The following P3H2 variants were observed in gnomAD, a reference collection of about 807,000 sequenced individuals.
The protein encoded by P3H2 is leprecan-like 1.
In P3H2, 80 loss-of-function variants were observed where a neutral mutation model predicts 87.0. That is an observed-to-expected ratio of 0.92 (90% CI 0.77 to 1.11). The LOEUF is 1.11. P3H2 is among the 50% of genes least tolerant of loss of function. The probability of loss-of-function intolerance (pLI) is 0.00; values close to 1 mark genes in which losing one functional copy is unlikely to be tolerated. For missense variants in P3H2, 1,001 were observed against 923.9 expected (o/e 1.08, Z -1.08); for synonymous variants, 367 against 359.3 (o/e 1.02, Z -0.24).
chr3:190,055,049 C>G (rs1054537077), intron 1 of P3H2, among the ~76,000 whole-genome samples: 1 of 152,170 alleles, frequency 6.6e-6, no homozygotes. Flanking sequence ...GGATGCACAT[C>G]TTTCTTGTTC....
chr3:189,982,988 G>T, intron 8 of P3H2, 58 bp downstream of exon 8: 1 of 1,302,668 alleles, frequency 7.7e-7, no homozygotes, highest in Non-Finnish European at 1.1e-6. Flanking sequence ...AAAAGAACTG[G>T]TCAAGCCCCA....
chr3:190,084,890 G>A (rs1453527559), intron 1 of P3H2, among the ~76,000 whole-genome samples: 1 of 151,686 alleles, frequency 6.6e-6, no homozygotes, highest in Admixed American at 6.6e-5. Context: ...ATAGTTCATA[G>A]CTCTGTACCT....
At chr3:190,047,899 T>C (rs1387578878) in intron 1 of P3H2, among the ~76,000 whole-genome samples, 1 of 152,234 alleles carries the variant, frequency 6.6e-6, no homozygotes, top group African/African-American at 2.4e-5. Context: ...CAATAATTTA[T>C]AATCTATTGC....
At chr3:190,008,134 G>C (rs1351290829) in intron 1 of P3H2, among the ~76,000 whole-genome samples, 1 of 151,844 alleles carries the variant, frequency 6.6e-6, no homozygotes, top group Non-Finnish European at 1.5e-5. Context: ...GATAAGTATA[G>C]AGTGAAAAGT....
chr3:190,059,410 A>T (rs1326945063), intron 1 of P3H2, among the ~76,000 whole-genome samples: 2 of 152,098 alleles, frequency 1.3e-5, no homozygotes, highest in Admixed American at 6.6e-5. Flanking sequence ...TTGTCATACA[A>T]CACTGGAGGA....
At chr3:190,005,666 T>A (rs914781381) in intron 1 of P3H2, among the ~76,000 whole-genome samples, 2 of 152,238 alleles carry the variant, frequency 1.3e-5, no homozygotes, top group African/African-American at 4.8e-5. Flanking sequence ...CTGTGAAATA[T>A]AAACTCTTGC....
At chr3:190,036,030 G>T (rs1725413562) in intron 1 of P3H2, among the ~76,000 whole-genome samples, 1 of 152,094 alleles carries the variant, frequency 6.6e-6, no homozygotes, top group Non-Finnish European at 1.5e-5. Flanking sequence ...TTATTCAATT[G>T]CAAGAATTGT....
chr3:189,956,919 G>A lies in P3H2; in HGVS notation c.*993C>T. ...CCCCACTCCTAGGCAACCTGGCCAT[G>A]GTGCCCGGATGCAGGCAGTATTCAA... is the stretch of plus-strand genomic sequence containing the variant. On this transcript the variant is annotated 3_prime_UTR_variant, in exon 15 of 15. Coordinates refer to ENST00000319332, the MANE Select transcript of P3H2 (RefSeq NM_018192.4). 1 of 393,660 alleles carries A rather than the reference G, an allele frequency of 2.5e-6. No individual in the cohort carries two copies. Among genetic ancestry groups the A allele is most frequent in the Non-Finnish European group, 4.5e-6 (1 of 223,600 alleles). The allele number at this position is 393,660 out of a possible 1,614,324, so 24.4% of individuals were successfully genotyped here.
chr3:190,101,786 T>C (rs971010501), intron 1 of P3H2, among the ~76,000 whole-genome samples: 2 of 152,222 alleles, frequency 1.3e-5, no homozygotes, highest in African/African-American at 4.8e-5. Flanking sequence ...TCATTGTAGA[T>C]AAAGCATCTT....
intron 9 of P3H2, 100 bp from the exon 10 acceptor site, chr3:189,974,104 G>T: frequency 1.1e-6 from 1 of 911,874 alleles, no homozygotes; most frequent in Non-Finnish European, 1.8e-6. Context: ...TCTAGTCAAT[G>T]CTAAGAACCA....
At chr3:190,004,683 C>T (rs890782927) in intron 1 of P3H2, among the ~76,000 whole-genome samples, 9 of 152,132 alleles carry the variant, frequency 5.9e-5, no homozygotes, top group East Asian at 5.8e-4. Context: ...CGCCTGGCCA[C>T]GAACAATAAT....
intron 3 of P3H2, among the ~76,000 whole-genome samples, chr3:189,992,525 T>A (rs1719601): frequency 0.75 from 113,678 of 152,134 alleles, 43,082 homozygotes; most frequent in East Asian, 0.93. Context: ...CAGAAAAAAA[T>A]GTGTGCTCAA....
intron 1 of P3H2, among the ~76,000 whole-genome samples, chr3:190,065,469 T>C (rs1726466814): frequency 6.6e-6 from 1 of 152,156 alleles, no homozygotes; most frequent in South Asian, 2.1e-4. Context: ...AATAAACTTT[T>C]ATTGTTTTAA....
intron 1 of P3H2, among the ~76,000 whole-genome samples, chr3:190,077,061 G>A (rs913032571): frequency 1.3e-5 from 2 of 151,990 alleles, no homozygotes; most frequent in Non-Finnish European, 2.9e-5. Flanking sequence ...AAAATTTAAG[G>A]GAAAAACCAA....
intron 1 of P3H2, among the ~76,000 whole-genome samples, chr3:190,099,659 T>G (rs965465923): frequency 6.6e-6 from 1 of 152,208 alleles, no homozygotes; most frequent in Non-Finnish European, 1.5e-5. Flanking sequence ...ACATTTCTAA[T>G]AAGAAGTCTT....
chr3:189,991,719 G>T (rs1461489244), intron 3 of P3H2, among the ~76,000 whole-genome samples: 1 of 152,206 alleles, frequency 6.6e-6, no homozygotes, highest in Non-Finnish European at 1.5e-5. Context: ...GAGAGAGAAT[G>T]AATGAAAACA....
intron 1 of P3H2, among the ~76,000 whole-genome samples, chr3:190,062,194 C>T (rs1371239560): frequency 6.6e-6 from 1 of 152,094 alleles, no homozygotes; most frequent in Non-Finnish European, 1.5e-5. Context: ...CAAAATTAAG[C>T]TGCAATACTA....
chr3:189,995,507 A>G, intron 1 of P3H2, 65 bp from the exon 2 acceptor site: 6 of 1,545,516 alleles, frequency 3.9e-6, no homozygotes, highest in Non-Finnish European at 5.3e-6. Context: ...AGAGAAATAC[A>G]AAGATCAATC....
At chr3:190,016,131 T>C (rs1335293284) in intron 1 of P3H2, among the ~76,000 whole-genome samples, 2 of 152,270 alleles carry the variant, frequency 1.3e-5, no homozygotes, top group Non-Finnish European at 2.9e-5. Flanking sequence ...ATATCACTGA[T>C]GGGATTTTCC....
Sources: gnomAD v4.1 joint callset for allele counts (sites outside exome capture counted in the v4.1 genomes callset) on GRCh38, gnomAD v4.1.1 for gene constraint, MANE v1.5 for transcripts, NCBI Gene and HGNC (gene_info 2026-07-23, HGNC 2026-07-21) for gene names.